Variants in BTG4 observed in about 807,000 individuals in gnomAD.
BTG4 encodes the protein protein BTG4.
Under a neutral mutation model 19.3 loss-of-function variants are expected in BTG4, and 10 were observed. The observed-to-expected ratio is 0.52, with a 90% CI of 0.32 to 0.88. The LOEUF (loss-of-function observed/expected upper bound fraction) is 0.88. BTG4 is among the 40% of genes least tolerant of loss of function. The pLI is 0.04. For missense variants in BTG4, 238 were observed against 281.9 expected (o/e 0.84, Z 1.11); for synonymous variants, 91 against 95.7 (o/e 0.95, Z 0.29).
the BTG4 span, among the ~76,000 whole-genome samples, chr11:111,441,545 G>A: frequency 2.5e-4 from 38 of 152,296 alleles, no homozygotes; most frequent in African/African-American, 5.3e-4. Flanking sequence ...ATGCCTTACG[G>A]ATTGACTTCT....
At chr11:111,438,384 C>A in the BTG4 span, among the ~76,000 whole-genome samples, 27 of 152,250 alleles carry the variant, frequency 1.8e-4, no homozygotes, top group African/African-American at 6.3e-4. Flanking sequence ...CCCTTCTCAA[C>A]AGGAATTCCT....
chr11:111,503,823 C>T (rs1866257657), intron 1 of BTG4, among the ~76,000 whole-genome samples: 2 of 152,104 alleles, frequency 1.3e-5, no homozygotes, highest in Admixed American at 6.6e-5. Flanking sequence ...GGAAATTCAA[C>T]TTGATGGCTA....
chr11:111,460,221 CA>C, the BTG4 span: 3 of 152,536 alleles, frequency 2.0e-5, no homozygotes, highest in Non-Finnish European at 4.4e-5. Context: ...GGTCTAATCC[CA>C]ATCTCGATTG....
At chr11:111,450,288 T>C in the BTG4 span, 1 of 152,620 alleles carries the variant, frequency 6.6e-6, no homozygotes, top group East Asian at 1.9e-4. Context: ...TGGGCAAGTG[T>C]GTGACTCCGT....
chr11:111,435,677 G>A, the BTG4 span, among the ~76,000 whole-genome samples: 1 of 152,178 alleles, frequency 6.6e-6, no homozygotes, highest in Non-Finnish European at 1.5e-5. Context: ...TGGATTCTGG[G>A]GAAAGGGGGA....
intron 5 of BTG4, among the ~76,000 whole-genome samples, chr11:111,471,916 T>A (rs980865231): frequency 6.6e-6 from 1 of 152,190 alleles, no homozygotes; most frequent in Non-Finnish European, 1.5e-5. Flanking sequence ...AACTCATCTG[T>A]TACACACACC....
upstream of BTG4, chr11:111,513,086 G>T (rs949392452): frequency 2.5e-5 from 11 of 436,950 alleles, no homozygotes; most frequent in African/African-American, 2.0e-4. Flanking sequence ...TTCGAGAGAA[G>T]ATGCCTGAGA....
chr11:111,487,189 T>C (rs1865119808), intron 5 of BTG4, among the ~76,000 whole-genome samples: 1 of 152,228 alleles, frequency 6.6e-6, no homozygotes, highest in Admixed American at 6.5e-5. Context: ...CCATGGTGCA[T>C]ATGTACCACA....
the BTG4 span, among the ~76,000 whole-genome samples, chr11:111,410,095 C>T: frequency 6.6e-6 from 1 of 152,096 alleles, no homozygotes; most frequent in African/African-American, 2.4e-5. Flanking sequence ...TGTTACTAAC[C>T]TGCAATAGGC....
the BTG4 span, among the ~76,000 whole-genome samples, chr11:111,390,875 G>A: frequency 6.6e-6 from 1 of 152,198 alleles, no homozygotes; most frequent in Non-Finnish European, 1.5e-5. Context: ...CAGATGCACA[G>A]ACTCCAAAGC....
the BTG4 span, among the ~76,000 whole-genome samples, chr11:111,453,255 A>T: frequency 6.6e-6 from 1 of 152,126 alleles, no homozygotes; most frequent in Non-Finnish European, 1.5e-5. Flanking sequence ...AGGGGGAAAA[A>T]CGACAGAGAC....
At chr11:111,403,232 A>G in the BTG4 span, among the ~76,000 whole-genome samples, 1 of 152,206 alleles carries the variant, frequency 6.6e-6, no homozygotes, top group Non-Finnish European at 1.5e-5. Flanking sequence ...ATGAAACACA[A>G]TTGTGTACAT....
At chr11:111,511,328 C>G (rs1378273165) in intron 1 of BTG4, among the ~76,000 whole-genome samples, 1 of 152,330 alleles carries the variant, frequency 6.6e-6, no homozygotes, top group East Asian at 1.9e-4. Context: ...AATGCTATAA[C>G]TTATTCAAAC....
At chr11:111,486,844 A>G (rs1865092975) in intron 5 of BTG4, among the ~76,000 whole-genome samples, 1 of 152,180 alleles carries the variant, frequency 6.6e-6, no homozygotes, top group South Asian at 2.1e-4. Context: ...GTTTGGTGAT[A>G]CATGTGCAGG....
At chr11:111,456,620 G>T in the BTG4 span, 1 of 447,412 alleles carries the variant, frequency 2.2e-6, no homozygotes, top group Non-Finnish European at 4.5e-6. The surrounding 1 kb of genome is among the most constrained non-coding windows in gnomAD (Gnocchi z 4.2). Context: ...GGCCACGCAG[G>T]CTCCATACCC....
Position 111,497,395 on chromosome 11 carries a change from T to C in BTG4, c.326A>G (p.Asn109Ser), listed in dbSNP as rs1243887598. Reference protein sequence around the residue: ...FEVCCRYGEKNHPFTVASFKG... With the variant: ...FEVCCRYGEKSHPFTVASFKG... Reference sequence around the variant, plus strand: ...AAAAGAAGCAACTGTAAATGGATGGTTTTTCTCACCATACCTAAGTAGGAA... The same window carrying C: ...AAAAGAAGCAACTGTAAATGGATGGCTTTTCTCACCATACCTAAGTAGGAA... The change falls in exon 4 of 5, where the codon AAC becomes AGC. Residue 109 changes from asparagine (N) to serine (S), a missense_variant. Asn to Ser is a conservative substitution (Grantham distance 46). Coordinates refer to ENST00000692032, the MANE Select transcript of BTG4 (RefSeq NM_001367975.1). 7.2e-7 allele frequency: 1 copy of C among 1,379,460 alleles called. No individual in the cohort carries two copies. Among genetic ancestry groups the C allele is most frequent in the Admixed American group, 2.8e-5 (1 of 35,436 alleles). The allele number at this position is 1,379,460 out of a possible 1,614,324, so 85.5% of individuals were successfully genotyped here.
the BTG4 span, among the ~76,000 whole-genome samples, chr11:111,431,924 AGACATG>A: frequency 6.6e-6 from 1 of 152,250 alleles, no homozygotes; most frequent in Non-Finnish European, 1.5e-5. Context: ...TGGAGGATAC[AGACATG>A]GAATCAGGGT....
At chr11:111,425,329 G>C in the BTG4 span, among the ~76,000 whole-genome samples, 3 of 152,060 alleles carry the variant, frequency 2.0e-5, no homozygotes, top group Non-Finnish European at 4.4e-5. Context: ...TGCTGATCAT[G>C]GAGATAAACA....
chr11:111,509,665 C>G (rs1246386090), intron 1 of BTG4, among the ~76,000 whole-genome samples: 1 of 151,324 alleles, frequency 6.6e-6, no homozygotes, highest in African/African-American at 2.4e-5. Flanking sequence ...CACTGCACTC[C>G]AGCTTGGGCA....
Sources: gnomAD v4.1 joint callset for allele counts (sites outside exome capture counted in the v4.1 genomes callset) on GRCh38, gnomAD v4.1.1 for gene constraint, Gnocchi (gnomAD v3.1) non-coding constraint, MANE v1.5 for transcripts, NCBI Gene and HGNC (gene_info 2026-07-23, HGNC 2026-07-21) for gene names.